Variants in RPS6KA4 observed in about 807,000 individuals in gnomAD.
The protein encoded by RPS6KA4 is ribosomal protein S6 kinase A4.
Under a neutral mutation model 89.6 loss-of-function variants are expected in RPS6KA4, and 38 were observed. The ratio of observed to expected loss-of-function variants is 0.42; its 90% CI spans 0.33 to 0.56. RPS6KA4 has a LOEUF of 0.56. RPS6KA4 is among the 20% of genes least tolerant of loss of function. The pLI is 0.07. For synonymous variants in RPS6KA4, 495 were observed against 492.8 expected, an observed-to-expected ratio of 1.00 and a Z score of -0.06; for missense variants, 873 against 1,098.8, an observed-to-expected ratio of 0.79 and a Z score of 2.90.
intron 2 of RPS6KA4, 110 bp from the exon 3 acceptor site, chr11:64,360,053 C>G: frequency 9.7e-7 from 1 of 1,027,866 alleles, no homozygotes; most frequent in African/African-American, 1.6e-5. Flanking sequence ...GTTGCCCCAG[C>G]TCCTTCGCCT....
At chr11:64,367,316 AT>A (rs34452864) in intron 9 of RPS6KA4, among the ~76,000 whole-genome samples, 143,140 of 151,210 alleles carry the variant, frequency 0.95, 68,226 homozygotes, top group Middle Eastern at 1. Context: ...CAGATAATTA[AT>A]TTTTTTTTTT....
chr11:64,369,403 G>A (rs55714016), intron 12 of RPS6KA4, 43 bp from the exon 13 acceptor site: 26 of 1,518,820 alleles, frequency 1.7e-5, no homozygotes, highest in Non-Finnish European at 1.8e-5. Context: ...GGGGCTTGCC[G>A]CCGTGGGTGG....
At chr11:64,362,130 T>G in intron 8 of RPS6KA4, 128 bp downstream of exon 8, 3 of 1,158,066 alleles carry the variant, frequency 2.6e-6, no homozygotes, top group Non-Finnish European at 3.6e-6. Context: ...AGCAAGTGTG[T>G]GTCAGCTAGG....
rs751587611 is a variant in RPS6KA4 at position 64,361,627 on chromosome 11, G to A, written c.652-15G>A. 34 of 1,613,112 alleles carry A rather than the reference G, an allele frequency of 2.1e-5. No homozygotes were observed. Among genetic ancestry groups the A allele is most frequent in the East Asian group, 1.8e-4 (8 of 44,890 alleles). On this transcript the variant is annotated splice_polypyrimidine_tract_variant and intron_variant, in intron 6 of 16. Transcript: ENST00000334205. The surrounding 1 kb of genome is among the most constrained non-coding windows in gnomAD (Gnocchi z 4.7). ...CAGGGGAGATGCAGGCCCTCACCCC[G>A]GCTCCACCCGGCAGGCTGTGGACTG...
At chr11:64,369,288 C>T (rs981335043) in intron 12 of RPS6KA4, among the ~76,000 whole-genome samples, 158 bp from the exon 13 acceptor site, 4 of 119,702 alleles carry the variant, frequency 3.3e-5, no homozygotes, top group Non-Finnish European at 6.9e-5. Flanking sequence ...GAGACTGTCT[C>T]CAAAAAAGTA....
chr11:64,370,439 A>T lies in RPS6KA4; in HGVS notation c.1957+55A>T, dbSNP rs2037030282. The T allele has an allele frequency of 6.2e-7, 1 of 1,606,850 alleles. No homozygotes were observed. Among genetic ancestry groups the T allele is most frequent in the Non-Finnish European group, 8.5e-7 (1 of 1,177,096 alleles). ...TGGGGAGGGGGACGCTGGGACAGGG[A>T]TGGTCACTGGGCCAGGTGTCCTGGT... is the stretch of plus-strand genomic sequence containing the variant. On this transcript the variant is annotated intron_variant, in intron 15 of 16. Coordinates refer to ENST00000334205, the MANE Select transcript of RPS6KA4 (RefSeq NM_003942.3). The surrounding 1 kb of genome is among the most constrained non-coding windows in gnomAD (Gnocchi z 4.1).
intron 12 of RPS6KA4, 91 bp downstream of exon 12, chr11:64,368,888 G>C (rs1233932569): frequency 9.1e-6 from 11 of 1,212,274 alleles, no homozygotes; most frequent in Non-Finnish European, 1.3e-5. Context: ...GGTGAATTGG[G>C]CGGGGCCTAG....
At position 64,370,483 on chromosome 11, in the gene RPS6KA4, G is replaced by A; in HGVS notation, c.1958-80G>A. On this transcript the variant is annotated intron_variant, in intron 15 of 16. Transcript: ENST00000334205. This position sits in a 1 kb window ranked among gnomAD's most constrained non-coding sequence, Gnocchi z 4.1. ...TCCTGGTTGGGGATGGGTAGGGGAG[G>A]AGAGTGGGGCTGTTACGATCTCTTT... The A allele has an allele frequency of 6.2e-7, 1 of 1,602,078 alleles. No individual in the cohort carries two copies. Among genetic ancestry groups the A allele is most frequent in the Non-Finnish European group, 8.5e-7 (1 of 1,174,050 alleles).
At position 64,361,415 on chromosome 11, in the gene RPS6KA4, C is replaced by T. The variant is rs1033864816; in HGVS notation, c.571-54C>T. The T allele has an allele frequency of 6.3e-7, 1 of 1,589,326 alleles. No individual in the cohort carries two copies. The highest frequency in any genetic ancestry group is 2.2e-5 in the East Asian group (1 of 44,748). On this transcript the variant is annotated intron_variant, in intron 5 of 16. Coordinates refer to ENST00000334205, the MANE Select transcript of RPS6KA4 (RefSeq NM_003942.3). This position sits in a 1 kb window ranked among gnomAD's most constrained non-coding sequence, Gnocchi z 4.7. ...GAGTCTTACTCTGGGCCTTGTGGGG[C>T]ACTGGGGCACAGGAGAGGTTTCGAC...
In RPS6KA4 at chr11:64,370,381, C is replaced by G. The variant is rs751943246; in HGVS notation, c.1954C>G (p.Arg652Gly). 6.2e-7 allele frequency: 1 copy of G among 1,610,298 alleles called. No individual in the cohort carries two copies. The highest frequency in any genetic ancestry group is 1.1e-5 in the South Asian group (1 of 90,838). The change falls in exon 15 of 17, where the codon CGA (arginine) becomes GGA (glycine). Residue 652 changes from arginine to glycine, a missense_variant. Physicochemically the swap from Arg to Gly is moderately radical, Grantham distance 125. Transcript: ENST00000334205. The surrounding 1 kb of genome is among the most constrained non-coding windows in gnomAD (Gnocchi z 4.1). ...ATCCGAGGAAGCCAAGGAGCTGGTCCGAGGTGCGGAGCTGGAGGTCATAGA... is the reference window on the plus strand; with the variant it reads ...ATCCGAGGAAGCCAAGGAGCTGGTCGGAGGTGCGGAGCTGGAGGTCATAGA... ...GVSEEAKELV[R>G]GLLTVDPAKR...
At chr11:64,360,429 C>T (rs1315805719) in intron 3 of RPS6KA4, 48 bp downstream of exon 3, 2 of 1,581,270 alleles carry the variant, frequency 1.3e-6, no homozygotes, top group African/African-American at 1.3e-5. Flanking sequence ...TGGGGGCAGG[C>T]GAGGCCACCT....
chr11:64,369,955 G>A (rs2037013800), intron 14 of RPS6KA4, 62 bp downstream of exon 14: 1 of 1,427,960 alleles, frequency 7.0e-7, no homozygotes, highest in Non-Finnish European at 9.2e-7. Context: ...TTCCTGATGT[G>A]CAGCAGCACG....
At position 64,361,337 on chromosome 11, in the gene RPS6KA4, G is replaced by T; in HGVS notation, c.570+96G>T. 6.9e-7 allele frequency: 1 copy of T among 1,450,568 alleles called. No individual in the cohort carries two copies. The highest frequency in any genetic ancestry group is 9.6e-7 in the Non-Finnish European group (1 of 1,043,762). The allele number at this position is 1,450,568 out of a possible 1,614,324, so 89.9% of individuals were successfully genotyped here. A position where few individuals can be genotyped will look rare whatever the true frequency, so the allele number is the denominator to read the frequency against. On this transcript the variant is annotated intron_variant, in intron 5 of 16. Coordinates refer to ENST00000334205, the MANE Select transcript of RPS6KA4 (RefSeq NM_003942.3). This position sits in a 1 kb window ranked among gnomAD's most constrained non-coding sequence, Gnocchi z 4.7. ...GCCTGCATTCTGGGGCTGCAGAAGT[G>T]AATAGCTCCAAGAAGTTTCCACAGC...
rs1465545014 is a variant in RPS6KA4 at position 64,369,762 on chromosome 11, C to T, written c.1666C>T (p.Arg556Trp). The change falls in exon 14 of 17, where the codon CGG becomes TGG. Residue 556 changes from arginine to tryptophan, a missense_variant. Around this residue, in one of 4 missense-constraint regions of RPS6KA4, gnomAD observed 542 missense variants for 736.4 expected, o/e 0.74. Transcript: ENST00000334205. ...PVKIIDFGFA[R>W]LRPQSPGVPM... The stretch of plus-strand genomic sequence containing the variant: ...GAAAATCATCGACTTCGGGTTCGCG[C>T]GGTTGCGGCCGCAGAGTCCCGGGGT... 5.0e-6 allele frequency: 8 copies of T among 1,611,558 alleles called. No homozygotes were observed. The highest frequency in any genetic ancestry group is 5.1e-6 in the Non-Finnish European group (6 of 1,179,426).
At position 64,368,705 on chromosome 11, in the gene RPS6KA4, C is replaced by T. The variant is rs2036962021; in HGVS notation, c.1336C>T (p.Leu446=). The T allele has an allele frequency of 6.3e-7, 1 of 1,577,716 alleles. No individual in the cohort carries two copies. Among genetic ancestry groups the T allele is most frequent in the Admixed American group, 1.8e-5 (1 of 54,476 alleles). ...EFAVKILSRR[L]EANTQREVAA... ...AACTCCTTCTGCTCCGTCCCCCAGG[C>T]TGGAGGCGAACACGCAGCGCGAAGT... Residue 446 remains leucine (L), a splice_region_variant and synonymous_variant, in exon 12 of 17, where the codon CTG becomes TTG. Coordinates refer to ENST00000334205, the MANE Select transcript of RPS6KA4 (RefSeq NM_003942.3).
At chr11:64,364,665 C>A (rs1458112055) in intron 8 of RPS6KA4, among the ~76,000 whole-genome samples, 1 of 151,952 alleles carries the variant, frequency 6.6e-6, no homozygotes, top group African/African-American at 2.4e-5. Flanking sequence ...AGAGGGTCCC[C>A]AGCAGTTCCA....
intron 3 of RPS6KA4, 27 bp from the exon 4 acceptor site, chr11:64,360,450 C>A: frequency 1.2e-6 from 2 of 1,602,360 alleles, no homozygotes; most frequent in Non-Finnish European, 8.5e-7. Context: ...GACGGGGCTG[C>A]TTCCTGACTT....
rs2037082102 is a variant in RPS6KA4 at position 64,371,706 on chromosome 11, T to C, written c.*226T>C. 2.2e-6 allele frequency: 1 copy of C among 464,192 alleles called. No individual in the cohort carries two copies. The highest frequency in any genetic ancestry group is 3.8e-6 in the Non-Finnish European group (1 of 261,432). 28.8% of individuals were successfully genotyped at this position (464,192 alleles called of 1,614,324 possible). ...GGGGGGGCCTGCTGGGGAGTGGGGTTTGGGGGGCCCTCTCCCAGGACACTG... is the reference window on the plus strand; with the variant it reads ...GGGGGGGCCTGCTGGGGAGTGGGGTCTGGGGGGCCCTCTCCCAGGACACTG... On this transcript the variant is annotated 3_prime_UTR_variant, in exon 17 of 17. Transcript: ENST00000334205.
At chr11:64,369,641 C>G in intron 13 of RPS6KA4, 22 bp downstream of exon 13, 1 of 1,599,166 alleles carries the variant, frequency 6.3e-7, no homozygotes. Context: ...GCCTCGGCGG[C>G]GGGGCGGAGC....
Sources: allele counts gnomAD v4.1 joint callset (sites outside exome capture counted in the v4.1 genomes callset), GRCh38; gene constraint gnomAD v4.1.1; regional missense constraint gnomAD v4.1.1; non-coding constraint Gnocchi (gnomAD v3.1); transcripts MANE v1.5; gene names NCBI Gene and HGNC (gene_info 2026-07-23, HGNC 2026-07-21).